KDM2A: variants seen among roughly 807,000 people sequenced by gnomAD.
KDM2A encodes the protein lysine demethylase 2A, also known as lysine-specific demethylase 2A.
In KDM2A, 3 loss-of-function variants were observed where a neutral mutation model predicts 137.3. That is an observed-to-expected ratio of 0.02 (90% CI 0.01 to 0.06). The LOEUF (loss-of-function observed/expected upper bound fraction) is 0.06, where lower values mean the gene tolerates loss of function less well. KDM2A is among the 10% of genes least tolerant of loss of function. The probability of loss-of-function intolerance (pLI) is 1.00; values close to 1 mark genes in which losing one functional copy is unlikely to be tolerated. For synonymous variants in KDM2A, 512 were observed against 541.5 expected, an observed-to-expected ratio of 0.95 and a Z score of 0.76; for missense variants, 738 against 1,510.6, an observed-to-expected ratio of 0.49 and a Z score of 8.48.
In KDM2A at chr11:67,257,781, T is replaced by C. The variant is rs1679676407; in HGVS notation, c.*2726T>C. 1 of 152,152 alleles carries C rather than the reference T, an allele frequency of 6.6e-6. No homozygotes were observed. Among genetic ancestry groups the C allele is most frequent in the Non-Finnish European group, 1.5e-5 (1 of 68,032 alleles). The allele number at this position is 152,152 out of a possible 1,614,324, so 9.4% of individuals were successfully genotyped here. ...GTTGTGCTAAAAAGTTTAAATTAAA[T>C]GTAAGCATTAAGGGGATAAGTCTTA... On this transcript the variant is annotated 3_prime_UTR_variant, in exon 21 of 21. Coordinates refer to ENST00000529006, the MANE Select transcript of KDM2A (RefSeq NM_012308.3).
intron 5 of KDM2A, among the ~76,000 whole-genome samples, chr11:67,185,749 C>T (rs1017868538): frequency 6.6e-6 from 1 of 151,978 alleles, no homozygotes; most frequent in Non-Finnish European, 1.5e-5. Flanking sequence ...AGGGACTCCA[C>T]TCTCATGGGT....
chr11:67,154,357 A>G (rs1477331651), intron 2 of KDM2A, among the ~76,000 whole-genome samples: 1 of 152,212 alleles, frequency 6.6e-6, no homozygotes, highest in Non-Finnish European at 1.5e-5. Context: ...GGTATTTAGT[A>G]TATTCAAAAT....
intron 5 of KDM2A, among the ~76,000 whole-genome samples, chr11:67,194,179 T>A (rs1259274706): frequency 6.6e-6 from 1 of 152,228 alleles, no homozygotes; most frequent in African/African-American, 2.4e-5. Flanking sequence ...AATGTTCCAT[T>A]TCTGTTCTCT....
intron 10 of KDM2A, among the ~76,000 whole-genome samples, chr11:67,224,281 C>T (rs1228105382): frequency 6.6e-6 from 1 of 152,048 alleles, no homozygotes; most frequent in Non-Finnish European, 1.5e-5. Flanking sequence ...TATCATTTGG[C>T]TTATCCTTTT....
chr11:67,170,654 C>T (rs1400438247), intron 2 of KDM2A, among the ~76,000 whole-genome samples: 1 of 151,944 alleles, frequency 6.6e-6, no homozygotes, highest in Non-Finnish European at 1.5e-5. Flanking sequence ...ACCCAGTGAT[C>T]CGCCCGCCTC....
chr11:67,124,134 G>A (rs1252719573), intron 2 of KDM2A, among the ~76,000 whole-genome samples: 1 of 151,292 alleles, frequency 6.6e-6, no homozygotes, highest in Non-Finnish European at 1.5e-5. Flanking sequence ...TTCCTGAGTA[G>A]CTGGGACTAC....
chr11:67,254,851 C>G lies in KDM2A; in HGVS notation c.3308-23C>G. On this transcript the variant is annotated intron_variant, in intron 20 of 20. Transcript: ENST00000529006. This position sits in a 1 kb window ranked among gnomAD's most constrained non-coding sequence, Gnocchi z 4.7. ...AAAGCTGTGTGTATGTGAGCACTGT[C>G]ATTATGTCCACTTTCCCGACAGGTT... 1 of 1,609,062 alleles carries G rather than the reference C, an allele frequency of 6.2e-7. No individual in the cohort carries two copies. The highest frequency in any genetic ancestry group is 1.1e-5 in the South Asian group (1 of 90,826).
At chr11:67,217,643 G>T in intron 8 of KDM2A, 88 bp from the exon 9 acceptor site, 1 of 1,322,208 alleles carries the variant, frequency 7.6e-7, no homozygotes, top group Non-Finnish European at 1.1e-6. Flanking sequence ...CTACCTGGTG[G>T]TCTTAATTTT....
At chr11:67,218,410 T>C (rs188228317) in intron 9 of KDM2A, among the ~76,000 whole-genome samples, 19 of 152,316 alleles carry the variant, frequency 1.2e-4, no homozygotes, top group Admixed American at 5.9e-4. Context: ...CATTTTGTTA[T>C]AAGGAATATA....
chr11:67,168,080 A>T (rs1308731842), intron 2 of KDM2A, among the ~76,000 whole-genome samples: 1 of 152,214 alleles, frequency 6.6e-6, no homozygotes, highest in African/African-American at 2.4e-5. Flanking sequence ...ATGAGATATG[A>T]AATTATCAAA....
At chr11:67,127,711 T>C (rs554406909) in intron 2 of KDM2A, among the ~76,000 whole-genome samples, 2 of 152,106 alleles carry the variant, frequency 1.3e-5, no homozygotes, top group East Asian at 3.9e-4. Flanking sequence ...TTAATTTATT[T>C]ATTTATTTAT....
intron 2 of KDM2A, among the ~76,000 whole-genome samples, chr11:67,157,350 T>C (rs915418155): frequency 6.6e-6 from 1 of 151,010 alleles, no homozygotes; most frequent in Non-Finnish European, 1.5e-5. Context: ...ACCACACAGT[T>C]GGCAAATTTT....
intron 2 of KDM2A, among the ~76,000 whole-genome samples, chr11:67,144,063 C>T (rs1379609286): frequency 6.7e-6 from 1 of 149,746 alleles, no homozygotes; most frequent in Non-Finnish European, 1.5e-5. Flanking sequence ...TGCCTCAAAC[C>T]TCCTGAGTAG....
At position 67,245,549 on chromosome 11, in the gene KDM2A, G is replaced by C; in HGVS notation, c.1833+91G>C. On this transcript the variant is annotated intron_variant, in intron 14 of 20. Transcript: ENST00000529006. This position sits in a 1 kb window ranked among gnomAD's most constrained non-coding sequence, Gnocchi z 4.1. ...ATAGTGTAGAGTTAAAGAGACTTCA[G>C]AGTTGGAAAGAAAAGGTTTATACTC... The C allele has an allele frequency of 7.1e-7, 1 of 1,401,188 alleles. No individual in the cohort carries two copies. Among genetic ancestry groups the C allele is most frequent in the Non-Finnish European group, 9.8e-7 (1 of 1,024,844 alleles). The allele number at this position is 1,401,188 out of a possible 1,614,324, so 86.8% of individuals were successfully genotyped here. A position where few individuals can be genotyped will look rare whatever the true frequency, so the allele number is the denominator to read the frequency against.
intron 2 of KDM2A, among the ~76,000 whole-genome samples, chr11:67,127,826 G>A (rs1855764801): frequency 6.6e-6 from 1 of 151,976 alleles, no homozygotes; most frequent in Non-Finnish European, 1.5e-5. Context: ...TCCTGCTTCA[G>A]CCTCTGAGTA....
chr11:67,232,064 A>T, intron 12 of KDM2A, 104 bp downstream of exon 12: 1 of 1,135,524 alleles, frequency 8.8e-7, no homozygotes. Flanking sequence ...TCTCTGGTTC[A>T]GTCAGAGAGA....
chr11:67,155,159 T>G lies in KDM2A; in HGVS notation c.43-24920T>G, dbSNP rs537886787. Among the ~76,000 whole-genome samples, 28 of 151,690 alleles carry G rather than the reference T, an allele frequency of 1.8e-4. No individual in the cohort carries two copies. In the East Asian group the frequency reaches 5.3e-3, roughly 29 times the overall value. On this transcript the variant is annotated intron_variant, in intron 2 of 20. Coordinates refer to ENST00000529006, the MANE Select transcript of KDM2A (RefSeq NM_012308.3). ...CCTCCTGAGTAGCTGGGGTTGCAGG[T>G]GCCTGCCACCACACCCAGCTAATTT...
At chr11:67,136,887 A>G (rs1855980179) in intron 2 of KDM2A, among the ~76,000 whole-genome samples, 1 of 152,206 alleles carries the variant, frequency 6.6e-6, no homozygotes, top group South Asian at 2.1e-4. Context: ...ACATTAAACA[A>G]ATACTAGTAA....
At chr11:67,165,670 A>G (rs1232257299) in intron 2 of KDM2A, among the ~76,000 whole-genome samples, 1 of 152,158 alleles carries the variant, frequency 6.6e-6, no homozygotes, top group Non-Finnish European at 1.5e-5. Flanking sequence ...TTCTGGTTTC[A>G]AGTGACTGCT....
Sources: allele counts gnomAD v4.1 joint callset (sites outside exome capture counted in the v4.1 genomes callset), GRCh38; gene constraint gnomAD v4.1.1; non-coding constraint Gnocchi (gnomAD v3.1); transcripts MANE v1.5; gene names NCBI Gene and HGNC (gene_info 2026-07-23, HGNC 2026-07-21).